Variants in PIK3C2G observed in about 807,000 individuals in gnomAD.
PIK3C2G encodes phosphatidylinositol-4-phosphate 3-kinase catalytic subunit type 2 gamma.
In PIK3C2G, 168 loss-of-function variants were observed where a neutral mutation model predicts 181.1. The ratio of observed to expected loss-of-function variants is 0.93; its 90% confidence interval spans 0.82 to 1.05. The LOEUF is 1.05. Ranked by LOEUF, PIK3C2G falls within the 50% of genes least tolerant of loss-of-function variation. The probability of loss-of-function intolerance (pLI) is 0.00; values close to 1 mark genes in which losing one functional copy is unlikely to be tolerated. For missense variants in PIK3C2G, 1,869 were observed against 1,732.8 expected (o/e 1.08, Z -1.40); for synonymous variants, 573 against 592.2 (o/e 0.97, Z 0.47).
intron 24 of PIK3C2G, among the ~76,000 whole-genome samples, chr12:18,534,065 T>C (rs1354613046): frequency 1.4e-5 from 2 of 144,842 alleles, no homozygotes; most frequent in Non-Finnish European, 3.0e-5. Flanking sequence ...TTCTTGTGCC[T>C]CAGCCTCCCG....
At chr12:18,453,184 G>A (rs1404882431) in intron 18 of PIK3C2G, among the ~76,000 whole-genome samples, 4 of 152,104 alleles carry the variant, frequency 2.6e-5, no homozygotes. Flanking sequence ...CACTATTAGA[G>A]TCTAAGTCTC....
chr12:18,661,637 T>C, the PIK3C2G span, among the ~76,000 whole-genome samples: 4 of 151,892 alleles, frequency 2.6e-5, no homozygotes, highest in African/African-American at 9.7e-5. Context: ...TATTAAAAAG[T>C]CAAAAAATAA....
chr12:18,595,033 G>T (rs1947287380), intron 30 of PIK3C2G, among the ~76,000 whole-genome samples: 1 of 152,004 alleles, frequency 6.6e-6, no homozygotes, highest in Admixed American at 6.6e-5. Flanking sequence ...TTTCAACAGT[G>T]ATGAGTGACA....
the PIK3C2G span, among the ~76,000 whole-genome samples, chr12:18,654,893 G>A: frequency 1.3e-4 from 20 of 152,150 alleles, no homozygotes; most frequent in East Asian, 3.9e-3. Flanking sequence ...CAAATGTTTT[G>A]GTCAGAGAGT....
chr12:18,335,762 T>C (rs1032517724), intron 8 of PIK3C2G, among the ~76,000 whole-genome samples: 5 of 152,212 alleles, frequency 3.3e-5, no homozygotes, highest in African/African-American at 1.2e-4. Context: ...AATCTTTTAC[T>C]TCACATATTC....
chr12:18,262,230 G>C (rs1948273740), intron 1 of PIK3C2G, among the ~76,000 whole-genome samples: 1 of 151,996 alleles, frequency 6.6e-6, no homozygotes, highest in African/African-American at 2.4e-5. Context: ...TTATGTTCTT[G>C]TCTGATGAAC....
At chr12:18,394,878 TAAG>T (rs1943759583) in intron 15 of PIK3C2G, among the ~76,000 whole-genome samples, 1 of 151,766 alleles carries the variant, frequency 6.6e-6, no homozygotes, top group Non-Finnish European at 1.5e-5. Flanking sequence ...AAAAAATAAT[TAAG>T]GAGATGGCCA....
chr12:18,592,600 G>A (rs1947142508), intron 29 of PIK3C2G, among the ~76,000 whole-genome samples: 1 of 151,898 alleles, frequency 6.6e-6, no homozygotes, highest in South Asian at 2.1e-4. Context: ...TGTGAGTGCA[G>A]ACAATTCTTC....
chr12:18,417,028 G>T (rs1365924202), intron 16 of PIK3C2G, among the ~76,000 whole-genome samples: 2 of 152,172 alleles, frequency 1.3e-5, no homozygotes, highest in African/African-American at 4.8e-5. Context: ...TTCATGGGAA[G>T]AGGTCAAAAC....
chr12:18,347,688 G>A (rs1939801294), intron 11 of PIK3C2G, among the ~76,000 whole-genome samples: 1 of 152,016 alleles, frequency 6.6e-6, no homozygotes, highest in African/African-American at 2.4e-5. Flanking sequence ...GCACGTGCCT[G>A]TAATCCCAGC....
the PIK3C2G span, chr12:18,701,838 C>A: frequency 6.5e-7 from 1 of 1,543,252 alleles, no homozygotes; most frequent in Non-Finnish European, 8.7e-7. Context: ...TTGTAACAGT[C>A]ACTGAAAAGT....
chr12:18,274,718 G>T lies in PIK3C2G; in HGVS notation c.-78-7286G>T, dbSNP rs576475754. 2.6e-5 allele frequency among the ~76,000 whole-genome samples: 4 copies of T among 152,206 alleles called. No homozygotes were observed. The East Asian group carries it at 7.8e-4, about 30-fold the overall frequency. On this transcript the variant is annotated intron_variant, in intron 1 of 32. Coordinates refer to ENST00000538779, the MANE Select transcript of PIK3C2G (RefSeq NM_001288772.2). ...ACCTAATGCTAAATGATGAGTTAAT[G>T]GGTGCAGCACACCAACATGGCACAT...
the PIK3C2G span, among the ~76,000 whole-genome samples, chr12:18,690,305 C>G: frequency 6.6e-6 from 1 of 152,074 alleles, no homozygotes; most frequent in Non-Finnish European, 1.5e-5. Context: ...CTCACTGCAA[C>G]CTCTGCCTCC....
chr12:18,687,920 C>G, the PIK3C2G span, among the ~76,000 whole-genome samples: 1 of 151,900 alleles, frequency 6.6e-6, no homozygotes, highest in South Asian at 2.1e-4. Context: ...ACAACCTAAT[C>G]ATTATAAAAA....
chr12:18,680,329 G>C, the PIK3C2G span, among the ~76,000 whole-genome samples: 1 of 152,086 alleles, frequency 6.6e-6, no homozygotes, highest in South Asian at 2.1e-4. Context: ...AACTCCTAGA[G>C]GCTCTGTATA....
chr12:18,414,559 T>C (rs1365709205), intron 16 of PIK3C2G, among the ~76,000 whole-genome samples: 3 of 152,076 alleles, frequency 2.0e-5, no homozygotes, highest in Non-Finnish European at 4.4e-5. Context: ...CACATAGTTA[T>C]ATCATATTTA....
chr12:18,685,789 G>A, the PIK3C2G span: 1 of 350,244 alleles, frequency 2.9e-6, no homozygotes, highest in East Asian at 7.4e-5. Flanking sequence ...TTACACATGT[G>A]CCTCTGCCTC....
intron 14 of PIK3C2G, among the ~76,000 whole-genome samples, chr12:18,388,169 C>T (rs1943298684): frequency 6.6e-6 from 1 of 151,894 alleles, no homozygotes; most frequent in Non-Finnish European, 1.5e-5. Flanking sequence ...TTTACAACTC[C>T]TTTTTTCAGA....
chr12:18,483,437 C>T (rs757291620), intron 18 of PIK3C2G, among the ~76,000 whole-genome samples: 28 of 152,072 alleles, frequency 1.8e-4, no homozygotes, highest in Non-Finnish European at 3.1e-4. Flanking sequence ...AATAAAATAA[C>T]AACAGAATTT....
Sources: gnomAD v4.1 joint callset for allele counts (sites outside exome capture counted in the v4.1 genomes callset) on GRCh38, gnomAD v4.1.1 for gene constraint, MANE v1.5 for transcripts, NCBI Gene and HGNC (gene_info 2026-07-23, HGNC 2026-07-21) for gene names.